The following RALY variants were observed in gnomAD, a reference collection of about 807,000 sequenced individuals.
The protein encoded by RALY is RNA-binding protein Raly.
RALY carries 15 observed loss-of-function variants against 30.7 expected under a neutral mutation model. The ratio of observed to expected loss-of-function variants is 0.49; its 90% CI spans 0.33 to 0.75. The LOEUF (loss-of-function observed/expected upper bound fraction) is 0.75. Among genes scored for constraint, RALY ranks in the 30% least tolerant of loss-of-function variants. The pLI is 0.02. For missense variants in RALY, 339 were observed against 414.3 expected, an observed-to-expected ratio of 0.82 and a Z score of 1.58; for synonymous variants, 177 against 170.8, an observed-to-expected ratio of 1.04 and a Z score of -0.28.
intron 2 of RALY, among the ~76,000 whole-genome samples, chr20:34,062,011 C>T (rs2033431788): frequency 1.3e-5 from 2 of 152,250 alleles, no homozygotes; most frequent in South Asian, 2.1e-4. Context: ...TTCTTATTTA[C>T]CCTCAAGGAT....
rs571327706 is a variant in RALY, at chr20:34,060,495, G to C, written c.-9-11571G>C. ...CTAATATATTCGCATGCTTTCTGAT[G>C]TGCTGGACACTATTCTGAATGCTTA... On this transcript the variant is annotated intron_variant, in intron 2 of 9. Coordinates refer to ENST00000246194, the MANE Select transcript of RALY (RefSeq NM_016732.3). 2.6e-5 allele frequency among the ~76,000 whole-genome samples: 4 copies of C among 152,318 alleles called. No homozygotes were observed. The South Asian group carries it at 8.3e-4, about 32-fold the overall frequency.
chr20:34,010,708 G>C (rs1156947986), intron 1 of RALY, among the ~76,000 whole-genome samples: 1 of 152,164 alleles, frequency 6.6e-6, no homozygotes, highest in Admixed American at 6.5e-5. Flanking sequence ...CTCAAAAAGC[G>C]TAGTAAGCTA....
chr20:34,028,180 A>G (rs1257652496), intron 1 of RALY, among the ~76,000 whole-genome samples: 1 of 151,686 alleles, frequency 6.6e-6, no homozygotes, highest in Non-Finnish European at 1.5e-5. Flanking sequence ...TAGCTACTTG[A>G]GTGGCTGAGA....
chr20:34,062,468 A>G (rs2033445440), intron 2 of RALY, among the ~76,000 whole-genome samples: 1 of 152,236 alleles, frequency 6.6e-6, no homozygotes, highest in Non-Finnish European at 1.5e-5. Flanking sequence ...ATAAACCACC[A>G]GGGATAACAC....
At chr20:34,011,691 C>T (rs1320682034) in intron 1 of RALY, among the ~76,000 whole-genome samples, 1 of 152,182 alleles carries the variant, frequency 6.6e-6, no homozygotes, top group Non-Finnish European at 1.5e-5. Context: ...CTACCATATC[C>T]CTTCTCGTTG....
intron 1 of RALY, among the ~76,000 whole-genome samples, chr20:34,013,413 CAAAA>C (rs34859292): frequency 2.4e-5 from 2 of 84,784 alleles, no homozygotes; most frequent in Non-Finnish European, 5.3e-5. Context: ...GACCTTGTCT[CAAAA>C]AAAAAAAAAA....
intron 2 of RALY, among the ~76,000 whole-genome samples, chr20:34,060,365 A>T (rs1310443146): frequency 6.6e-6 from 1 of 152,244 alleles, no homozygotes; most frequent in Non-Finnish European, 1.5e-5. Context: ...CAGATTAGGG[A>T]TGCTCAGCCA....
At chr20:34,040,524 C>T (rs191483085) in intron 2 of RALY, among the ~76,000 whole-genome samples, 1 of 152,294 alleles carries the variant, frequency 6.6e-6, no homozygotes, top group East Asian at 1.9e-4. Flanking sequence ...ATTCCCATTC[C>T]GAGCCACTCA....
chr20:33,993,994 G>GCGACGACGA lies in RALY; in HGVS notation c.-225_-217dup, dbSNP rs914112688. ...TGAGGGGGCGGTAGCGGCGGCGACG[G>GCGACGACGA]CGACGACGACGACTCCCGCGCGTGT... On this transcript the variant is annotated 5_prime_UTR_variant, in exon 1 of 10. Transcript: ENST00000246194. 2 of 151,896 alleles carry GCGACGACGA rather than the reference G, an allele frequency of 1.3e-5. No homozygotes were observed. Among genetic ancestry groups the GCGACGACGA allele is most frequent in the South Asian group, 2.1e-4 (1 of 4,830 alleles). 9.4% of individuals were successfully genotyped at this position (151,896 alleles called of 1,614,324 possible).
chr20:34,043,318 C>T (rs967285332), intron 2 of RALY, among the ~76,000 whole-genome samples: 1 of 152,236 alleles, frequency 6.6e-6, no homozygotes, highest in Non-Finnish European at 1.5e-5. Flanking sequence ...CAGTTCTACT[C>T]AGAATAGGCA....
At chr20:34,040,514 A>T (rs1314693925) in intron 2 of RALY, among the ~76,000 whole-genome samples, 1 of 152,106 alleles carries the variant, frequency 6.6e-6, no homozygotes, top group Non-Finnish European at 1.5e-5. Flanking sequence ...AAATCAGCCT[A>T]TTCCCATTCC....
At position 34,003,291 on chromosome 20, in the gene RALY, C is replaced by A. The variant is rs186289348; in HGVS notation, c.-93+9160C>A. On this transcript the variant is annotated intron_variant, in intron 1 of 9. Coordinates refer to ENST00000246194, the MANE Select transcript of RALY (RefSeq NM_016732.3). ...AGTGGGGTTAACACTCCATATCTTGCCTTCCTCACAATGGTATTGTGAGGA... is the reference window on the plus strand; with the variant it reads ...AGTGGGGTTAACACTCCATATCTTGACTTCCTCACAATGGTATTGTGAGGA... 2.6e-5 allele frequency among the ~76,000 whole-genome samples: 4 copies of A among 152,140 alleles called. No homozygotes were observed. The East Asian group carries it at 7.7e-4, about 29-fold the overall frequency.
At position 34,081,871 on chromosome 20, in the gene RALY, GC is replaced by G. The variant is rs2034035706; in HGVS notation, c.*1970del. Reference sequence around the variant, plus strand: ...CTTGGCCATTGCCTGAGTATTAGCTGCCCCAGGGGGATCACGGTCCCCATAT... The same window carrying G: ...CTTGGCCATTGCCTGAGTATTAGCTGCCCAGGGGGATCACGGTCCCCATAT... On this transcript the variant is annotated 3_prime_UTR_variant, in exon 10 of 10. Coordinates refer to ENST00000246194, the MANE Select transcript of RALY (RefSeq NM_016732.3). The G allele has an allele frequency of 6.6e-6, 1 of 152,300 alleles. No individual in the cohort carries two copies. The highest frequency in any genetic ancestry group is 2.4e-5 in the African/African-American group (1 of 41,458). The allele number at this position is 152,300 out of a possible 1,614,324, so 9.4% of individuals were successfully genotyped here.
At chr20:34,076,610 C>A in intron 6 of RALY, 92 bp from the exon 7 acceptor site, 2 of 1,144,422 alleles carry the variant, frequency 1.7e-6, no homozygotes, top group Non-Finnish European at 2.5e-6. Context: ...AAAATAACTG[C>A]TTTCCTGGTT....
At chr20:34,071,418 C>G (rs1013935432) in intron 2 of RALY, among the ~76,000 whole-genome samples, 3 of 151,936 alleles carry the variant, frequency 2.0e-5, no homozygotes, top group South Asian at 4.2e-4. Flanking sequence ...GCTGGGATTA[C>G]AGGTACCCGC....
At chr20:34,005,901 T>G (rs2031136102) in intron 1 of RALY, among the ~76,000 whole-genome samples, 1 of 152,270 alleles carries the variant, frequency 6.6e-6, no homozygotes, top group Non-Finnish European at 1.5e-5. Flanking sequence ...CATTTAAGTT[T>G]CTTCCATGTC....
intron 1 of RALY, among the ~76,000 whole-genome samples, chr20:34,028,480 G>A (rs186435853): frequency 7.3e-5 from 11 of 151,514 alleles, no homozygotes; most frequent in South Asian, 6.3e-4. Flanking sequence ...CGAGGCGGGC[G>A]GATCATGAGG....
chr20:34,019,105 T>C (rs1235325447), intron 1 of RALY, among the ~76,000 whole-genome samples: 2 of 151,876 alleles, frequency 1.3e-5, no homozygotes, highest in Non-Finnish European at 2.9e-5. Flanking sequence ...GGTGGATCAC[T>C]TGAGGTCAGG....
chr20:34,000,814 T>C (rs1190475228), intron 1 of RALY, among the ~76,000 whole-genome samples: 1 of 152,198 alleles, frequency 6.6e-6, no homozygotes, highest in Non-Finnish European at 1.5e-5. Context: ...CTGGGGAAAA[T>C]AGCAGTCAGT....
Sources: allele counts gnomAD v4.1 joint callset (sites outside exome capture counted in the v4.1 genomes callset), GRCh38; gene constraint gnomAD v4.1.1; transcripts MANE v1.5; gene names NCBI Gene and HGNC (gene_info 2026-07-23, HGNC 2026-07-21).